RANBP2: variants seen among roughly 807,000 people sequenced by gnomAD.
The protein encoded by RANBP2 is E3 SUMO-protein ligase RanBP2.
Under a neutral mutation model 303.6 loss-of-function variants are expected in RANBP2, and 57 were observed. That is an observed-to-expected ratio of 0.19 (90% CI 0.15 to 0.23). RANBP2 has a LOEUF of 0.23. RANBP2 is among the 10% of genes least tolerant of loss of function. The pLI is 1.00. For missense variants in RANBP2, 3,138 were observed against 3,780.8 expected (o/e 0.83, Z 4.46); for synonymous variants, 1,167 against 1,301.5 (o/e 0.90, Z 2.23).
chr2:109,239,283 T>A, the RANBP2 span, among the ~76,000 whole-genome samples: 32 of 152,074 alleles, frequency 2.1e-4, no homozygotes, highest in Non-Finnish European at 4.4e-4. Context: ...TTCTTGGGGG[T>A]CTCTGTATGG....
the RANBP2 span, among the ~76,000 whole-genome samples, chr2:109,313,033 A>G: frequency 6.6e-6 from 1 of 152,200 alleles, no homozygotes; most frequent in Admixed American, 6.5e-5. Context: ...GCAAATCTGC[A>G]GTGTTAAGAA....
the RANBP2 span, among the ~76,000 whole-genome samples, chr2:109,085,601 C>CT: frequency 0.014 from 1,888 of 132,154 alleles, 50 homozygotes; most frequent in African/African-American, 0.04. Context: ...CCACACCTGG[C>CT]TTTTTTTTTT....
chr2:108,772,092 C>T (rs964664637), intron 21 of RANBP2, among the ~76,000 whole-genome samples: 10 of 152,146 alleles, frequency 6.6e-5, no homozygotes, highest in Admixed American at 2.6e-4. Context: ...GTGCCAGGCA[C>T]GTGTTTTGAG....
the RANBP2 span, among the ~76,000 whole-genome samples, chr2:109,124,987 GTTGAT>G: frequency 3.9e-5 from 6 of 152,210 alleles, no homozygotes; most frequent in Admixed American, 3.9e-4. Flanking sequence ...ATGGACTCTG[GTTGAT>G]TTAACGAAAA....
the RANBP2 span, among the ~76,000 whole-genome samples, chr2:109,599,204 C>T: frequency 6.6e-6 from 1 of 151,922 alleles, no homozygotes; most frequent in African/African-American, 2.4e-5. Context: ...ACACCTGTAA[C>T]CCCAGCACTC....
the RANBP2 span, among the ~76,000 whole-genome samples, chr2:109,640,548 T>C: frequency 6.6e-6 from 1 of 152,202 alleles, no homozygotes; most frequent in Non-Finnish European, 1.5e-5. Context: ...CCAGTAAGCA[T>C]GTGTTTCAGG....
At chr2:109,455,822 G>A in the RANBP2 span, among the ~76,000 whole-genome samples, 1 of 152,188 alleles carries the variant, frequency 6.6e-6, no homozygotes, top group Non-Finnish European at 1.5e-5. Flanking sequence ...ATTCACTTCC[G>A]AAGTGACAGC....
chr2:109,170,079 G>A, the RANBP2 span, among the ~76,000 whole-genome samples: 1 of 152,122 alleles, frequency 6.6e-6, no homozygotes, highest in Non-Finnish European at 1.5e-5. Flanking sequence ...AAAACACTTT[G>A]CCAGAAACTA....
the RANBP2 span, among the ~76,000 whole-genome samples, chr2:109,022,233 G>T: frequency 6.6e-6 from 1 of 152,202 alleles, no homozygotes; most frequent in Non-Finnish European, 1.5e-5. Context: ...TGCAGTTAGG[G>T]GTTGGGCTGG....
chr2:109,091,179 G>T, the RANBP2 span, among the ~76,000 whole-genome samples: 1 of 152,096 alleles, frequency 6.6e-6, no homozygotes, highest in Non-Finnish European at 1.5e-5. Context: ...ACAGTGAGCT[G>T]TGATGGCACC....
chr2:109,578,223 G>A, the RANBP2 span, among the ~76,000 whole-genome samples: 1 of 152,238 alleles, frequency 6.6e-6, no homozygotes, highest in South Asian at 2.1e-4. Flanking sequence ...GGAATTACAC[G>A]ATCAAATAAA....
chr2:109,509,601 A>C, the RANBP2 span, among the ~76,000 whole-genome samples: 1 of 152,052 alleles, frequency 6.6e-6, no homozygotes, highest in Admixed American at 6.6e-5. Context: ...ATTTTGTTAC[A>C]TGCCATAGTG....
chr2:109,574,505 T>A, the RANBP2 span: 3 of 750,978 alleles, frequency 4.0e-6, no homozygotes, highest in Non-Finnish European at 5.7e-6. Context: ...ACAATATATA[T>A]CCATATTGTA....
the RANBP2 span, among the ~76,000 whole-genome samples, chr2:109,018,526 A>C: frequency 6.6e-6 from 1 of 152,090 alleles, no homozygotes; most frequent in South Asian, 2.1e-4. Flanking sequence ...GCCTGTACCA[A>C]AGTCTTCCCT....
chr2:108,754,971 A>C lies in RANBP2; in HGVS notation c.2269A>C (p.Ser757Arg). 2.5e-6 allele frequency: 4 copies of C among 1,611,884 alleles called. No homozygotes were observed. Among genetic ancestry groups the C allele is most frequent in the Non-Finnish European group, 3.4e-6 (4 of 1,179,814 alleles). ...AGTCATGCAGGAACTCGAAGACTAT[A>C]GTGAAGGAGGTCCTCTCTATAAAAA... ...NSVMQELEDY[S>R]EGGPLYKNGS... Residue 757 changes from serine (S) to arginine (R), a missense_variant, in exon 16 of 29, where the codon AGT (serine) becomes CGT (arginine). Around this residue, in one of 20 missense-constraint regions of RANBP2, gnomAD observed 194 missense variants for 197.4 expected, o/e 0.98. Coordinates refer to ENST00000283195, the MANE Select transcript of RANBP2 (RefSeq NM_006267.5).
At chr2:109,320,304 C>T in the RANBP2 span, among the ~76,000 whole-genome samples, 2 of 152,196 alleles carry the variant, frequency 1.3e-5, no homozygotes, top group South Asian at 4.2e-4. Context: ...GCACAGCAGC[C>T]AGTGGCCACC....
At chr2:108,780,568 T>C (rs1360913241) in intron 25 of RANBP2, among the ~76,000 whole-genome samples, 6 of 145,972 alleles carry the variant, frequency 4.1e-5, no homozygotes, top group South Asian at 2.2e-4. Context: ...CTTGCTCTGT[T>C]GCCCAGGCTG....
At chr2:108,882,711 T>G in the RANBP2 span, 1 of 152,262 alleles carries the variant, frequency 6.6e-6, no homozygotes, top group Non-Finnish European at 1.5e-5. Flanking sequence ...TGTCTCTTCA[T>G]TTTCTTCTCA....
chr2:109,052,350 G>A, the RANBP2 span, among the ~76,000 whole-genome samples: 1 of 152,124 alleles, frequency 6.6e-6, no homozygotes, highest in Admixed American at 6.5e-5. Context: ...AGAAAGGGGG[G>A]CGTATTGCAA....
Sources: gnomAD v4.1 joint callset for allele counts (sites outside exome capture counted in the v4.1 genomes callset) on GRCh38, gnomAD v4.1.1 for gene constraint, gnomAD v4.1.1 regional missense constraint, MANE v1.5 for transcripts, NCBI Gene and HGNC (gene_info 2026-07-23, HGNC 2026-07-21) for gene names.